NELL1: variants seen among roughly 807,000 people sequenced by gnomAD.
The protein encoded by NELL1 is protein kinase C-binding protein NELL1.
NELL1 carries 76 observed loss-of-function variants against 107.4 expected under a neutral mutation model. That is an observed-to-expected ratio of 0.71 (90% confidence interval 0.59 to 0.86). NELL1 has a LOEUF of 0.86. Ranked by LOEUF, NELL1 falls within the 40% of genes least tolerant of loss-of-function variation. The pLI, the probability that NELL1 is intolerant of heterozygous loss-of-function variation, is 0.00. For synonymous variants in NELL1, 353 were observed against 341.2 expected (o/e 1.03, Z -0.38); for missense variants, 1,024 against 1,005.5 (o/e 1.02, Z -0.25).
intron 12 of NELL1, among the ~76,000 whole-genome samples, chr11:21,074,690 AG>A (rs1389107173): frequency 7.2e-5 from 11 of 151,928 alleles, no homozygotes; most frequent in Non-Finnish European, 1.6e-4. Flanking sequence ...TTTTTTTTAA[AG>A]CAGACTTACT....
rs1263271108 is a variant in NELL1 at position 20,975,834 on chromosome 11, CATATGTGTATTATATATACAT to C, written c.1300+15295_1300+15315del. ...ATATTATATATGTATTATATATGTA[CATATGTGTATTATATATACAT>C]ATATGTGTATTATATATACACATAC... On this transcript the variant is annotated intron_variant, in intron 12 of 19. Transcript: ENST00000357134. Among the ~76,000 whole-genome samples, 63 of 117,202 alleles carry C rather than the reference CATATGTGTATTATATATACAT, an allele frequency of 5.4e-4. 2 individuals are homozygous for C. Among genetic ancestry groups the C allele is most frequent in the African/African-American group, 1.4e-3 (43 of 29,692 alleles). The allele number at this position is 117,202 out of a possible 152,430, so 76.9% of individuals were successfully genotyped here. A position where few individuals can be genotyped will look rare whatever the true frequency, so the allele number is the denominator to read the frequency against.
At chr11:21,141,129 T>C (rs560977601) in intron 13 of NELL1, among the ~76,000 whole-genome samples, 1 of 152,380 alleles carries the variant, frequency 6.6e-6, no homozygotes, top group East Asian at 1.9e-4. Flanking sequence ...TGTACCCATA[T>C]GCACATCCAT....
At chr11:21,544,855 A>G (rs1856394439) in intron 16 of NELL1, among the ~76,000 whole-genome samples, 1 of 151,932 alleles carries the variant, frequency 6.6e-6, no homozygotes, top group African/African-American at 2.4e-5. Flanking sequence ...TTTGCTCAGT[A>G]TCATTGAATA....
chr11:20,949,650 C>G (rs1407408036), intron 11 of NELL1, among the ~76,000 whole-genome samples: 1 of 152,200 alleles, frequency 6.6e-6, no homozygotes, highest in Non-Finnish European at 1.5e-5. Flanking sequence ...TACAATAGAA[C>G]AGGTGCCACT....
chr11:20,754,604 G>A (rs1856217193), intron 2 of NELL1, among the ~76,000 whole-genome samples: 1 of 152,130 alleles, frequency 6.6e-6, no homozygotes, highest in African/African-American at 2.4e-5. Flanking sequence ...GCCAAGGAAG[G>A]ATGTACATAT....
At chr11:21,273,008 A>C (rs977620694) in intron 14 of NELL1, among the ~76,000 whole-genome samples, 7 of 152,224 alleles carry the variant, frequency 4.6e-5, no homozygotes, top group African/African-American at 1.7e-4. Context: ...CTTCTCCTCC[A>C]AAGGAATGCA....
intron 2 of NELL1, among the ~76,000 whole-genome samples, chr11:20,692,198 G>A (rs1191855076): frequency 6.6e-6 from 1 of 151,756 alleles, no homozygotes; most frequent in African/African-American, 2.4e-5. Flanking sequence ...AGTCTTGCTA[G>A]CAGTTTATGA....
At chr11:21,450,468 C>T (rs1450368105) in intron 15 of NELL1, among the ~76,000 whole-genome samples, 2 of 152,148 alleles carry the variant, frequency 1.3e-5, no homozygotes, top group African/African-American at 4.8e-5. Flanking sequence ...GTGATTTATG[C>T]TGCTGAGGTA....
chr11:21,358,391 T>G (rs1590866298), intron 14 of NELL1, among the ~76,000 whole-genome samples: 1 of 151,392 alleles, frequency 6.6e-6, no homozygotes, highest in South Asian at 2.1e-4. Flanking sequence ...ATTTGTAAGG[T>G]TTTTTTTGTT....
At chr11:20,983,972 C>A (rs1851800685) in intron 12 of NELL1, among the ~76,000 whole-genome samples, 1 of 152,138 alleles carries the variant, frequency 6.6e-6, no homozygotes, top group African/African-American at 2.4e-5. Context: ...AGTAACATAT[C>A]TTCTAGTCCC....
intron 12 of NELL1, among the ~76,000 whole-genome samples, chr11:21,014,137 C>G (rs1292436520): frequency 3.9e-5 from 6 of 152,080 alleles, no homozygotes; most frequent in Non-Finnish European, 8.8e-5. Flanking sequence ...TTAAGTTTGA[C>G]TCAACTAAGT....
At chr11:20,729,333 C>G (rs1051115667) in intron 2 of NELL1, among the ~76,000 whole-genome samples, 4 of 152,080 alleles carry the variant, frequency 2.6e-5, no homozygotes, top group African/African-American at 9.7e-5. Context: ...GCTAGCACTT[C>G]CAATACTATG....
chr11:20,751,420 T>C (rs1856136110), intron 2 of NELL1, among the ~76,000 whole-genome samples: 6 of 152,192 alleles, frequency 3.9e-5, no homozygotes, highest in Admixed American at 3.9e-4. Context: ...TTCTTTAATA[T>C]CTCTCAGCAT....
chr11:21,566,457 T>C (rs1421751900), intron 17 of NELL1, among the ~76,000 whole-genome samples: 1 of 139,788 alleles, frequency 7.2e-6, no homozygotes, highest in African/African-American at 3.3e-5. Context: ...AAAATGTATT[T>C]TTTTTACCAG....
At chr11:21,076,488 C>G (rs1413266385) in intron 12 of NELL1, among the ~76,000 whole-genome samples, 1 of 152,220 alleles carries the variant, frequency 6.6e-6, no homozygotes, top group Non-Finnish European at 1.5e-5. Flanking sequence ...GGAAGTTAAA[C>G]TCTCTCAGTT....
At chr11:21,494,234 T>C (rs1422293598) in intron 15 of NELL1, among the ~76,000 whole-genome samples, 2 of 152,032 alleles carry the variant, frequency 1.3e-5, no homozygotes, top group Non-Finnish European at 2.9e-5. Context: ...CGTAAACATC[T>C]ATTGTTTTAT....
At chr11:21,065,405 T>C (rs778616628) in intron 12 of NELL1, among the ~76,000 whole-genome samples, 1 of 152,228 alleles carries the variant, frequency 6.6e-6, no homozygotes, top group Non-Finnish European at 1.5e-5. Flanking sequence ...ATTTTGCTCC[T>C]TGACTCGATT....
In NELL1 at chr11:20,787,007, C is replaced by CAAAAAAAAA. The variant is rs71443763; in HGVS notation, c.335+3193_335+3201dup. Among the ~76,000 whole-genome samples, 111 of 60,844 alleles carry CAAAAAAAAA rather than the reference C, an allele frequency of 1.8e-3. 8 individuals are homozygous for CAAAAAAAAA. The highest frequency in any genetic ancestry group is 8.4e-3 in the African/African-American group (103 of 12,274). The allele number at this position is 60,844 out of a possible 152,430, so 39.9% of individuals were successfully genotyped here. ...TAGGCGAAAGAGCGAGACTCCGTCT[C>CAAAAAAAAA]AAAAAAAAAAAAAAAAAAAAAAAAG... On this transcript the variant is annotated intron_variant, in intron 3 of 19. Coordinates refer to ENST00000357134, the MANE Select transcript of NELL1 (RefSeq NM_006157.5).
chr11:21,107,086 A>G (rs2133716649), intron 12 of NELL1, among the ~76,000 whole-genome samples: 1 of 152,324 alleles, frequency 6.6e-6, no homozygotes, highest in South Asian at 2.1e-4. Flanking sequence ...GTTATCCGTT[A>G]TCAATATCCC....
Sources: gnomAD v4.1 joint callset for allele counts (sites outside exome capture counted in the v4.1 genomes callset) on GRCh38, gnomAD v4.1.1 for gene constraint, MANE v1.5 for transcripts, NCBI Gene and HGNC (gene_info 2026-07-23, HGNC 2026-07-21) for gene names.